The following SPA17 variants were observed in gnomAD, a reference collection of about 807,000 sequenced individuals.
SPA17 encodes the protein sperm autoantigenic protein 17.
Under a neutral mutation model 13.8 loss-of-function variants are expected in SPA17, and 7 were observed. That is an observed-to-expected ratio of 0.51 (90% CI 0.29 to 0.95). The LOEUF is 0.95. Among genes scored for constraint, SPA17 ranks in the 40% least tolerant of loss-of-function variants. The pLI is 0.08. For missense variants in SPA17, 170 were observed against 179.3 expected, an observed-to-expected ratio of 0.95 and a Z score of 0.30; for synonymous variants, 61 against 59.0, an observed-to-expected ratio of 1.03 and a Z score of -0.16.
intron 4 of SPA17, among the ~76,000 whole-genome samples, chr11:124,693,641 T>G (rs1240685159): frequency 1.3e-5 from 2 of 152,160 alleles, no homozygotes; most frequent in Non-Finnish European, 2.9e-5. Flanking sequence ...GTTTTTAAAG[T>G]GTATACATGT....
intron 2 of SPA17, among the ~76,000 whole-genome samples, chr11:124,679,551 G>A (rs1943505994): frequency 6.6e-6 from 1 of 152,124 alleles, no homozygotes. Context: ...GTGACCTCAT[G>A]TTTTCTCTTT....
In SPA17 at chr11:124,696,939, T is replaced by C. The variant is rs563475074; in HGVS notation, c.*2493T>C. On this transcript the variant is annotated 3_prime_UTR_variant, in exon 5 of 5. Transcript: ENST00000227135. The stretch of plus-strand genomic sequence containing the variant: ...CTGAAACTTCCCCCACACCCAAGTT[T>C]TTCCATTCAAAAATGGCTGCTCCAT... The C allele has an allele frequency of 6.6e-6, 1 of 152,316 alleles. No homozygotes were observed. Among genetic ancestry groups the C allele is most frequent in the South Asian group, 2.1e-4 (1 of 4,816 alleles). 9.4% of individuals were successfully genotyped at this position (152,316 alleles called of 1,614,324 possible). A position where few individuals can be genotyped will look rare whatever the true frequency, so the allele number is the denominator to read the frequency against.
At position 124,681,438 on chromosome 11, in the gene SPA17, C is replaced by A; in HGVS notation, c.204C>A (p.Phe68Leu). The change falls in exon 3 of 5, where the codon TTC becomes TTA. Residue 68 changes from phenylalanine (F) to leucine (L), a missense_variant. By Grantham distance (22) the Phe-to-Leu change is conservative. Transcript: ENST00000227135. ...AEWGSKVEDR[F>L]YNNHAFEEQE... ...GGGGGAGTAAGGTAGAAGACCGCTTCTATAACAATCATGCATTCGAGGTAT... is the reference window on the plus strand; with the variant it reads ...GGGGGAGTAAGGTAGAAGACCGCTTATATAACAATCATGCATTCGAGGTAT... 6.3e-7 allele frequency: 1 copy of A among 1,585,188 alleles called. No homozygotes were observed. The highest frequency in any genetic ancestry group is 8.6e-7 in the Non-Finnish European group (1 of 1,163,208).
intron 3 of SPA17, among the ~76,000 whole-genome samples, chr11:124,689,268 CT>C (rs1275012056): frequency 1.3e-5 from 2 of 152,084 alleles, no homozygotes; most frequent in African/African-American, 4.8e-5. Context: ...GAATGTATGA[CT>C]AAGATCACAA....
At position 124,696,705 on chromosome 11, in the gene SPA17, TCA is replaced by T. The variant is rs937276380; in HGVS notation, c.*2260_*2261del. On this transcript the variant is annotated 3_prime_UTR_variant, in exon 5 of 5. Coordinates refer to ENST00000227135, the MANE Select transcript of SPA17 (RefSeq NM_017425.4). ...CACTAAATGCTAAGTGCCCTTAGGC[TCA>T]GTCTTTCGACCCCATTTCTACACTC... 6.6e-5 allele frequency: 10 copies of T among 152,308 alleles called. No homozygotes were observed. Among genetic ancestry groups the T allele is most frequent in the African/African-American group, 2.4e-4 (10 of 41,540 alleles). The allele number at this position is 152,308 out of a possible 1,614,324, so 9.4% of individuals were successfully genotyped here. A position where few individuals can be genotyped will look rare whatever the true frequency, so the allele number is the denominator to read the frequency against.
chr11:124,678,153 CA>C (rs1943490612), intron 2 of SPA17, among the ~76,000 whole-genome samples: 1 of 152,148 alleles, frequency 6.6e-6, no homozygotes, highest in Admixed American at 6.5e-5. Context: ...AGAAACAACC[CA>C]AATATCCACA....
rs1418523070 is a variant in SPA17 at position 124,695,100 on chromosome 11, C to G, written c.*654C>G. On this transcript the variant is annotated 3_prime_UTR_variant, in exon 5 of 5. Coordinates refer to ENST00000227135, the MANE Select transcript of SPA17 (RefSeq NM_017425.4). Reference sequence around the variant, plus strand: ...CCAGCCTGGGCGACAGAGCAAGACTCTGTCTCAAAAACAAAACAAAACAAA... The same window carrying G: ...CCAGCCTGGGCGACAGAGCAAGACTGTGTCTCAAAAACAAAACAAAACAAA... 2 of 152,680 alleles carry G rather than the reference C, an allele frequency of 1.3e-5. No homozygotes were observed. The highest frequency in any genetic ancestry group is 2.9e-5 in the Non-Finnish European group (2 of 68,422). 9.5% of individuals were successfully genotyped at this position (152,680 alleles called of 1,614,324 possible).
In SPA17 at chr11:124,694,583, G is replaced by A. The variant is rs532019294; in HGVS notation, c.*137G>A. 4.1e-6 allele frequency: 5 copies of A among 1,210,628 alleles called. No homozygotes were observed. In the East Asian group the frequency reaches 1.2e-4, roughly 30 times the overall value. The allele number at this position is 1,210,628 out of a possible 1,614,324, so 75.0% of individuals were successfully genotyped here. A position where few individuals can be genotyped will look rare whatever the true frequency, so the allele number is the denominator to read the frequency against. On this transcript the variant is annotated 3_prime_UTR_variant, in exon 5 of 5. Transcript: ENST00000227135. ...CGTTACTGTTGTGAAAATCTGTCATGAGCATTTGTTTAATAAGCATACCAT... is the reference window on the plus strand; with the variant it reads ...CGTTACTGTTGTGAAAATCTGTCATAAGCATTTGTTTAATAAGCATACCAT...
chr11:124,676,444 A>G (rs1943465295), intron 2 of SPA17: 1 of 152,264 alleles, frequency 6.6e-6, no homozygotes, highest in Non-Finnish European at 1.5e-5. Flanking sequence ...GCAAACAAAC[A>G]TTCTATTGTA....
At chr11:124,684,678 G>A (rs1302420307) in intron 3 of SPA17, among the ~76,000 whole-genome samples, 3 of 152,192 alleles carry the variant, frequency 2.0e-5, no homozygotes, top group Admixed American at 2.0e-4. Flanking sequence ...CAGAAGACAA[G>A]AAGATGTTGG....
chr11:124,685,792 G>T (rs1351135528), intron 3 of SPA17, among the ~76,000 whole-genome samples: 2 of 152,182 alleles, frequency 1.3e-5, no homozygotes, highest in Non-Finnish European at 2.9e-5. Context: ...CTGCCCTGTT[G>T]TATTTCAGAC....
At chr11:124,675,129 G>A (rs1943443981) in intron 1 of SPA17, 109 bp from the exon 2 acceptor site, 1 of 1,140,224 alleles carries the variant, frequency 8.8e-7, no homozygotes, top group Non-Finnish European at 1.2e-6. Flanking sequence ...AGGGAAAAAA[G>A]AATTCAAGTC....
chr11:124,675,471 T>G, intron 2 of SPA17, 53 bp downstream of exon 2: 1 of 1,585,950 alleles, frequency 6.3e-7, no homozygotes, highest in Non-Finnish European at 8.6e-7. Flanking sequence ...AGCATTTGTT[T>G]ATGGTAAAAC....
intron 3 of SPA17, among the ~76,000 whole-genome samples, chr11:124,685,632 C>T (rs1366819122): frequency 6.6e-6 from 1 of 152,174 alleles, no homozygotes; most frequent in Non-Finnish European, 1.5e-5. Context: ...GCTGCATACA[C>T]ATGAAAGCAG....
chr11:124,682,349 C>T (rs866937361), intron 3 of SPA17, among the ~76,000 whole-genome samples: 2 of 152,032 alleles, frequency 1.3e-5, no homozygotes, highest in African/African-American at 2.4e-5. Context: ...TATGACACCC[C>T]AGAATGAACA....
Position 124,691,814 on chromosome 11 carries a change from C to T in SPA17, c.312+32C>T, listed in dbSNP as rs757505897. ...AATATTTTTCATGTACTATTGGATT[C>T]CTACAAAGAATGATATTGCCCAATT... On this transcript the variant is annotated intron_variant, in intron 4 of 4. Coordinates refer to ENST00000227135, the MANE Select transcript of SPA17 (RefSeq NM_017425.4). 9.0e-6 allele frequency: 13 copies of T among 1,444,742 alleles called. No individual in the cohort carries two copies. The South Asian group carries it at 1.4e-4, about 16-fold the overall frequency. The allele number at this position is 1,444,742 out of a possible 1,614,324, so 89.5% of individuals were successfully genotyped here. A position where few individuals can be genotyped will look rare whatever the true frequency, so the allele number is the denominator to read the frequency against.
chr11:124,684,119 G>A (rs1359474431), intron 3 of SPA17, among the ~76,000 whole-genome samples: 1 of 152,164 alleles, frequency 6.6e-6, no homozygotes, highest in Non-Finnish European at 1.5e-5. Flanking sequence ...CTGCCACCCT[G>A]TGAAGAGATG....
chr11:124,690,752 G>A (rs982497525), intron 3 of SPA17, among the ~76,000 whole-genome samples: 2 of 152,180 alleles, frequency 1.3e-5, no homozygotes, highest in African/African-American at 4.8e-5. Context: ...GACAACTGAG[G>A]TAGTACTATT....
chr11:124,682,377 T>C (rs933994383), intron 3 of SPA17, among the ~76,000 whole-genome samples: 1 of 152,224 alleles, frequency 6.6e-6, no homozygotes, highest in South Asian at 2.1e-4. Flanking sequence ...TCTCCACTAA[T>C]AGATCATAAC....
Sources: allele counts gnomAD v4.1 joint callset (sites outside exome capture counted in the v4.1 genomes callset), GRCh38; gene constraint gnomAD v4.1.1; transcripts MANE v1.5; gene names NCBI Gene and HGNC (gene_info 2026-07-23, HGNC 2026-07-21).